Variants in RABGAP1 observed in about 807,000 individuals in gnomAD.
RABGAP1 encodes RAB GTPase activating protein 1.
Under a neutral mutation model 137.6 loss-of-function variants are expected in RABGAP1, and 23 were observed. That is an observed-to-expected ratio of 0.17 (90% CI 0.12 to 0.24). The LOEUF is 0.24. Ranked by LOEUF, RABGAP1 falls within the 10% of genes least tolerant of loss-of-function variation. The pLI, the probability that RABGAP1 is intolerant of heterozygous loss-of-function variation, is 1.00. For synonymous variants in RABGAP1, 451 were observed against 450.7 expected (o/e 1.00, Z -0.01); for missense variants, 906 against 1,275.8 (o/e 0.71, Z 4.42).
intron 2 of RABGAP1, among the ~76,000 whole-genome samples, chr9:122,959,361 T>C (rs1834719542): frequency 4.0e-5 from 1 of 24,946 alleles, no homozygotes; most frequent in African/African-American, 1.3e-4. Flanking sequence ...GTGTGGGGCT[T>C]TACAAAAAAA....
intron 13 of RABGAP1, among the ~76,000 whole-genome samples, chr9:123,042,867 G>A (rs964743605): frequency 2.0e-5 from 3 of 152,178 alleles, no homozygotes; most frequent in African/African-American, 7.2e-5. Context: ...ATGGCAAATT[G>A]TTATAAAATT....
chr9:123,042,652 A>G (rs558972546), intron 13 of RABGAP1, among the ~76,000 whole-genome samples: 3 of 152,346 alleles, frequency 2.0e-5, no homozygotes, highest in African/African-American at 7.2e-5. Flanking sequence ...ACAAAAAGGC[A>G]GAGAGACAGA....
chr9:122,992,236 G>A (rs1261429331), intron 6 of RABGAP1, among the ~76,000 whole-genome samples: 3 of 151,894 alleles, frequency 2.0e-5, no homozygotes, highest in African/African-American at 7.3e-5. Context: ...ACAGGGTTTC[G>A]CCGTGTTGGC....
rs116157988 is a variant in RABGAP1, at chr9:123,098,310, G to A, written c.2734-405G>A. ...GCAGTCCCCTCCCCTGTCACACCACGGTCGTCCAGGAGGCAGGACTGGCTG... is the reference window on the plus strand; with the variant it reads ...GCAGTCCCCTCCCCTGTCACACCACAGTCGTCCAGGAGGCAGGACTGGCTG... On this transcript the variant is annotated intron_variant, in intron 22 of 25. Coordinates refer to ENST00000373647, the MANE Select transcript of RABGAP1 (RefSeq NM_012197.4). 9.3e-3 allele frequency among the ~76,000 whole-genome samples: 1,413 copies of A among 152,314 alleles called. 26 individuals carry two copies. The highest frequency in any genetic ancestry group is 0.032 in the African/African-American group (1,349 of 41,570).
chr9:123,077,677 TTG>T (rs2034562302), intron 19 of RABGAP1, among the ~76,000 whole-genome samples: 2 of 147,252 alleles, frequency 1.4e-5, no homozygotes, highest in African/African-American at 2.6e-5. Context: ...TTGTATTGTA[TTG>T]TATTGTATTG....
At chr9:122,948,386 T>A (rs1326156176) in intron 1 of RABGAP1, among the ~76,000 whole-genome samples, 1 of 152,116 alleles carries the variant, frequency 6.6e-6, no homozygotes, top group Non-Finnish European at 1.5e-5. Context: ...TACTTGGGTT[T>A]GGATCAAGTT....
intron 2 of RABGAP1, among the ~76,000 whole-genome samples, chr9:122,965,514 G>T (rs1363180298): frequency 6.6e-6 from 1 of 152,132 alleles, no homozygotes; most frequent in Non-Finnish European, 1.5e-5. Context: ...CTCCTGAGTA[G>T]CTGGGATTAC....
the RABGAP1 span, among the ~76,000 whole-genome samples, chr9:122,933,363 T>A: frequency 6.6e-6 from 1 of 151,738 alleles, no homozygotes; most frequent in Non-Finnish European, 1.5e-5. Context: ...AATTTTAAAA[T>A]CTATTTTGTC....
rs749985194 is a variant in RABGAP1 at position 123,035,507 on chromosome 9, G to T, written c.1794+15048G>T. The T allele has an allele frequency of 1.4e-5, 22 of 1,614,014 alleles. No individual in the cohort carries two copies. Among genetic ancestry groups the T allele is most frequent in the Non-Finnish European group, 1.8e-5 (21 of 1,179,922 alleles). On this transcript the variant is annotated intron_variant, in intron 13 of 25. Coordinates refer to ENST00000373647, the MANE Select transcript of RABGAP1 (RefSeq NM_012197.4). ...CTCTCCAACAGTGTATTCCAAAGAG[G>T]ACTAAAGCGCCTCTCAGGGGCTATG...
chr9:123,023,373 G>A (rs571538695), intron 13 of RABGAP1, among the ~76,000 whole-genome samples: 23 of 152,218 alleles, frequency 1.5e-4, no homozygotes, highest in African/African-American at 5.5e-4. Context: ...TAGAGACAGG[G>A]TATCCCCATG....
chr9:123,016,430 A>G (rs2031234336), intron 12 of RABGAP1, among the ~76,000 whole-genome samples: 1 of 152,134 alleles, frequency 6.6e-6, no homozygotes, highest in South Asian at 2.1e-4. Context: ...TCGCTTGAGC[A>G]TAGGAGTTTG....
chr9:123,022,107 A>T (rs2031676974), intron 13 of RABGAP1, among the ~76,000 whole-genome samples: 1 of 152,156 alleles, frequency 6.6e-6, no homozygotes, highest in Non-Finnish European at 1.5e-5. Context: ...CATATTTTGG[A>T]TTTGTAACAC....
At chr9:123,009,818 C>T (rs2030639113) in intron 10 of RABGAP1, among the ~76,000 whole-genome samples, 1 of 152,086 alleles carries the variant, frequency 6.6e-6, no homozygotes, top group Non-Finnish European at 1.5e-5. Flanking sequence ...CAAGTTGTAG[C>T]TTTCAGTTGA....
At chr9:122,942,669 C>CAAAAAAAAAAAAAA (rs10660327) in intron 1 of RABGAP1, among the ~76,000 whole-genome samples, 3 of 90,312 alleles carry the variant, frequency 3.3e-5, no homozygotes, top group African/African-American at 1.3e-4. Context: ...GACTCCGTCT[C>CAAAAAAAAAAAAAA]AAAAAAAAAA....
chr9:122,949,056 T>A (rs937576280), intron 1 of RABGAP1, among the ~76,000 whole-genome samples: 5 of 152,164 alleles, frequency 3.3e-5, no homozygotes, highest in Non-Finnish European at 5.9e-5. Context: ...CTGGAATGAA[T>A]GGATTGATCA....
At chr9:122,996,305 A>G in intron 7 of RABGAP1, 154 bp downstream of exon 7, 2 of 1,323,488 alleles carry the variant, frequency 1.5e-6, no homozygotes, top group East Asian at 2.6e-5. Flanking sequence ...CATTACTTTG[A>G]AATAGCTACT....
At chr9:123,024,370 A>G (rs184182265) in intron 13 of RABGAP1, among the ~76,000 whole-genome samples, 4 of 152,082 alleles carry the variant, frequency 2.6e-5, no homozygotes, top group African/African-American at 7.2e-5. Context: ...GCTGCCCCAT[A>G]TCCCAACCAG....
At chr9:122,965,253 T>C (rs1019623300) in intron 2 of RABGAP1, among the ~76,000 whole-genome samples, 7 of 152,156 alleles carry the variant, frequency 4.6e-5, no homozygotes, top group Non-Finnish European at 1.0e-4. Flanking sequence ...ATTTCATGAA[T>C]ATGAAATATT....
At chr9:122,970,828 T>A (rs557945563) in intron 2 of RABGAP1, among the ~76,000 whole-genome samples, 348 of 152,328 alleles carry the variant, frequency 2.3e-3, no homozygotes, top group Non-Finnish European at 3.9e-3. Context: ...CTACACAGCC[T>A]AAGAAGTTTC....
Sources: allele counts gnomAD v4.1 joint callset (sites outside exome capture counted in the v4.1 genomes callset), GRCh38; gene constraint gnomAD v4.1.1; transcripts MANE v1.5; gene names NCBI Gene and HGNC (gene_info 2026-07-23, HGNC 2026-07-21).